FMO2: variants seen among roughly 807,000 people sequenced by gnomAD.
FMO2 encodes the protein flavin-containing monooxygenase 2.
In FMO2, 33 loss-of-function variants were observed where a neutral mutation model predicts 41.6. The observed-to-expected ratio is 0.79, with a 90% CI of 0.60 to 1.06. The LOEUF is 1.06. Ranked by LOEUF, FMO2 falls within the 50% of genes least tolerant of loss-of-function variation. The probability of loss-of-function intolerance (pLI) is 0.00; values close to 1 mark genes in which losing one functional copy is unlikely to be tolerated. For synonymous variants in FMO2, 214 were observed against 219.6 expected (o/e 0.97, Z 0.23); for missense variants, 619 against 632.9 (o/e 0.98, Z 0.23).
chr1:171,197,456 T>C (rs1168539035), intron 4 of FMO2, among the ~76,000 whole-genome samples: 2 of 152,160 alleles, frequency 1.3e-5, no homozygotes, highest in Non-Finnish European at 2.9e-5. Flanking sequence ...TTTGCTCAGG[T>C]GATTTTAATA....
intron 3 of FMO2, 119 bp from the exon 4 acceptor site, chr1:171,196,530 A>T: frequency 1.2e-6 from 1 of 812,906 alleles, no homozygotes; most frequent in Non-Finnish European, 2.0e-6. Flanking sequence ...CAACACCCTT[A>T]ACAGATTAGT....
chr1:171,194,000 G>A (rs1045981065), intron 3 of FMO2, among the ~76,000 whole-genome samples: 2 of 151,944 alleles, frequency 1.3e-5, no homozygotes, highest in African/African-American at 2.4e-5. Context: ...GGCTGGTCTC[G>A]AACTCCTGAC....
chr1:171,193,458 A>C lies in FMO2; in HGVS notation c.256A>C (p.Lys86Gln), dbSNP rs756158388. The stretch of plus-strand genomic sequence containing the variant: ...TTTTCCAAACTTCCTGCATAATTCT[A>C]AACTTCTGGAATATTTCAGGATTTT... ...EDFPNFLHNS[K>Q]LLEYFRIFAK... is the part of the protein sequence containing the mutation. Residue 86 changes from lysine to glutamine, a missense_variant, in exon 3 of 9, where the codon AAA (lysine) becomes CAA (glutamine). Coordinates refer to ENST00000209929, the MANE Select transcript of FMO2 (RefSeq NM_001460.5). 2 of 1,611,906 alleles carry C rather than the reference A, an allele frequency of 1.2e-6. No individual in the cohort carries two copies. The highest frequency in any genetic ancestry group is 1.7e-6 in the Non-Finnish European group (2 of 1,178,248).
chr1:171,197,536 A>C (rs1658353654), intron 4 of FMO2, among the ~76,000 whole-genome samples: 1 of 152,168 alleles, frequency 6.6e-6, no homozygotes, highest in Admixed American at 6.5e-5. Flanking sequence ...AGGGCTTTTG[A>C]AAGCACAAAT....
chr1:171,207,679 A>G, intron 7 of FMO2, 39 bp from the exon 8 acceptor site: 2 of 1,293,634 alleles, frequency 1.5e-6, no homozygotes, highest in Non-Finnish European at 2.2e-6. Context: ...AATGATATTG[A>G]CTCAAACTTA....
chr1:171,192,837 T>A (rs955487542), intron 2 of FMO2, among the ~76,000 whole-genome samples: 1 of 151,980 alleles, frequency 6.6e-6, no homozygotes, highest in Non-Finnish European at 1.5e-5. Context: ...AATGATTGAT[T>A]TGTGTAAAAG....
At chr1:171,189,624 A>G (rs1407350715) in intron 2 of FMO2, among the ~76,000 whole-genome samples, 1 of 151,868 alleles carries the variant, frequency 6.6e-6, no homozygotes, top group Non-Finnish European at 1.5e-5. Flanking sequence ...GAGAGCTTCT[A>G]AAATACAGAA....
chr1:171,204,625 C>T (rs1482305846), intron 6 of FMO2, among the ~76,000 whole-genome samples: 1 of 152,082 alleles, frequency 6.6e-6, no homozygotes, highest in Non-Finnish European at 1.5e-5. Context: ...AATCTTTTAA[C>T]AAATGCCTGC....
Position 171,193,511 on chromosome 1 carries a change from T to C in FMO2, c.309T>C (p.Tyr103=), listed in dbSNP as rs774440999. Residue 103 remains tyrosine, a synonymous_variant, in exon 3 of 9, where the codon TAT becomes TAC. Coordinates refer to ENST00000209929, the MANE Select transcript of FMO2 (RefSeq NM_001460.5). ...IFAKKFDLLK[Y]IQFQTTVLSV... The stretch of plus-strand genomic sequence containing the variant: ...CTAAAAAATTTGATCTGCTAAAATA[T>C]ATTCAGTTCCAGGTATTGTATTTTT... 1 of 1,597,896 alleles carries C rather than the reference T, an allele frequency of 6.3e-7. No homozygotes were observed. Among genetic ancestry groups the C allele is most frequent in the Non-Finnish European group, 8.6e-7 (1 of 1,166,258 alleles).
In FMO2 at chr1:171,210,264, C is replaced by A. The variant is rs1355551794; in HGVS notation, c.*1119C>A. ...CCTATGCAATAACATTTAGGATAAT[C>A]TTTGACATTTTGGAAAAATAAGAAT... On this transcript the variant is annotated 3_prime_UTR_variant, in exon 9 of 9. Transcript: ENST00000209929. 1 of 152,040 alleles carries A rather than the reference C, an allele frequency of 6.6e-6. No homozygotes were observed. The highest frequency in any genetic ancestry group is 1.5e-5 in the Non-Finnish European group (1 of 67,996). The allele number at this position is 152,040 out of a possible 1,614,324, so 9.4% of individuals were successfully genotyped here. A position where few individuals can be genotyped will look rare whatever the true frequency, so the allele number is the denominator to read the frequency against.
At chr1:171,199,618 T>C (rs1042188283) in intron 5 of FMO2, 130 bp downstream of exon 5, 4 of 834,938 alleles carry the variant, frequency 4.8e-6, no homozygotes, top group Non-Finnish European at 1.8e-6. Context: ...TGTGGCATCA[T>C]AGAAAATCTG....
intron 6 of FMO2, among the ~76,000 whole-genome samples, chr1:171,205,062 T>C (rs1330839891): frequency 6.6e-6 from 1 of 152,202 alleles, no homozygotes; most frequent in African/African-American, 2.4e-5. Flanking sequence ...TTCACTCACG[T>C]TGCCTACATG....
rs1202979522 is a variant in FMO2 at position 171,209,911 on chromosome 1, T to C, written c.*766T>C. 1.3e-5 allele frequency: 2 copies of C among 152,204 alleles called. No individual in the cohort carries two copies. The highest frequency in any genetic ancestry group is 2.4e-5 in the African/African-American group (1 of 41,454). The allele number at this position is 152,204 out of a possible 1,614,324, so 9.4% of individuals were successfully genotyped here. On this transcript the variant is annotated 3_prime_UTR_variant, in exon 9 of 9. Coordinates refer to ENST00000209929, the MANE Select transcript of FMO2 (RefSeq NM_001460.5). ...TTCTGTGAAATGGTTACAGCTATTA[T>C]AGTCATTTCACAGATGATGAAACTA...
chr1:171,206,455 CAGAG>C (rs1367115534), intron 7 of FMO2, among the ~76,000 whole-genome samples: 1 of 152,034 alleles, frequency 6.6e-6, no homozygotes, highest in African/African-American at 2.4e-5. Flanking sequence ...ACGTATGAGG[CAGAG>C]AGAGATGAGC....
At chr1:171,199,292 A>G in intron 4 of FMO2, 54 bp from the exon 5 acceptor site, 1 of 1,474,688 alleles carries the variant, frequency 6.8e-7, no homozygotes, top group Non-Finnish European at 9.0e-7. Context: ...TATTGAAATT[A>G]GCTTGACATA....
intron 2 of FMO2, among the ~76,000 whole-genome samples, chr1:171,192,413 T>C (rs1214151798): frequency 6.6e-6 from 1 of 152,176 alleles, no homozygotes; most frequent in Non-Finnish European, 1.5e-5. Context: ...CCTGATTAAC[T>C]TTTACCAAGT....
In FMO2 at chr1:171,196,690, C is replaced by A. The variant is rs1159530784; in HGVS notation, c.363C>A (p.Ser121=). 1 of 1,613,446 alleles carries A rather than the reference C, an allele frequency of 6.2e-7. No homozygotes were observed. Among genetic ancestry groups the A allele is most frequent in the South Asian group, 1.1e-5 (1 of 91,044 alleles). The part of the protein sequence containing the change: ...LSVRKCPDFS[S]SGQWKVVTQS... The stretch of plus-strand genomic sequence containing the variant: ...TGAGAAAATGTCCAGATTTCTCATC[C>A]TCTGGCCAATGGAAGGTTGTCACTC... Residue 121 remains serine (S), a synonymous_variant, in exon 4 of 9, where the codon TCC becomes TCA. Coordinates refer to ENST00000209929, the MANE Select transcript of FMO2 (RefSeq NM_001460.5).
chr1:171,207,571 G>A, intron 7 of FMO2, 147 bp from the exon 8 acceptor site: 1 of 641,596 alleles, frequency 1.6e-6, no homozygotes, highest in Non-Finnish European at 2.8e-6. Flanking sequence ...TGCTATGGGG[G>A]TGGCACCCCC....
intron 2 of FMO2, among the ~76,000 whole-genome samples, chr1:171,189,961 A>G (rs953521358): frequency 2.0e-5 from 3 of 152,192 alleles, no homozygotes; most frequent in African/African-American, 7.2e-5. Context: ...AAATGATAGA[A>G]TCACAGAATA....
Sources: allele counts gnomAD v4.1 joint callset (sites outside exome capture counted in the v4.1 genomes callset), GRCh38; gene constraint gnomAD v4.1.1; transcripts MANE v1.5; gene names NCBI Gene and HGNC (gene_info 2026-07-23, HGNC 2026-07-21).